Variants in COG5 observed in about 807,000 individuals in gnomAD.
COG5 encodes conserved oligomeric Golgi complex subunit 5.
Under a neutral mutation model 110.4 loss-of-function variants are expected in COG5, and 86 were observed. The ratio of observed to expected loss-of-function variants is 0.78; its 90% confidence interval spans 0.65 to 0.93. The LOEUF (loss-of-function observed/expected upper bound fraction) is 0.93. Ranked by LOEUF, COG5 falls within the 40% of genes least tolerant of loss-of-function variation. COG5 has a pLI of 0.00. For missense variants in COG5, 1,077 were observed against 987.0 expected, an observed-to-expected ratio of 1.09 and a Z score of -1.22; for synonymous variants, 360 against 334.6, an observed-to-expected ratio of 1.08 and a Z score of -0.83.
intron 6 of COG5, among the ~76,000 whole-genome samples, chr7:107,465,293 G>C (rs1417605175): frequency 6.6e-6 from 1 of 152,146 alleles, no homozygotes; most frequent in Non-Finnish European, 1.5e-5. Context: ...AGTTCAATAT[G>C]ATCCTAATTA....
At chr7:107,531,639 G>A (rs1801206257) in intron 5 of COG5, among the ~76,000 whole-genome samples, 1 of 149,446 alleles carries the variant, frequency 6.7e-6, no homozygotes, top group Non-Finnish European at 1.5e-5. Context: ...GTCGGTGAGG[G>A]CGGGGGGGAG....
At chr7:107,346,513 A>G (rs868814742) in intron 10 of COG5, among the ~76,000 whole-genome samples, 27 of 152,268 alleles carry the variant, frequency 1.8e-4, no homozygotes, top group Middle Eastern at 3.4e-3. Flanking sequence ...ACTTTTCTCT[A>G]TGGGTCATAC....
chr7:107,457,678 C>T (rs540741067), intron 6 of COG5, among the ~76,000 whole-genome samples: 155 of 152,266 alleles, frequency 1.0e-3, no homozygotes, highest in African/African-American at 3.6e-3. Context: ...ATCCCCCCCG[C>T]CTCAGCCTCC....
At chr7:107,393,632 A>G (rs1291798574) in intron 7 of COG5, among the ~76,000 whole-genome samples, 1 of 152,138 alleles carries the variant, frequency 6.6e-6, no homozygotes, top group African/African-American at 2.4e-5. Context: ...ACTCCCTCCA[A>G]CAGGTCATCC....
At chr7:107,313,239 A>T (rs549475230) in intron 11 of COG5, among the ~76,000 whole-genome samples, 1 of 152,302 alleles carries the variant, frequency 6.6e-6, no homozygotes, top group South Asian at 2.1e-4. Flanking sequence ...TGTCAAAGTA[A>T]AAGAGGAGAA....
At chr7:107,368,391 A>G (rs1051529751) in intron 8 of COG5, among the ~76,000 whole-genome samples, 5 of 152,148 alleles carry the variant, frequency 3.3e-5, no homozygotes, top group African/African-American at 1.2e-4. Flanking sequence ...CTATAAAAAG[A>G]AAAACACAGG....
At chr7:107,383,151 C>CT (rs1447473351) in intron 7 of COG5, among the ~76,000 whole-genome samples, 1 of 152,200 alleles carries the variant, frequency 6.6e-6, no homozygotes, top group Non-Finnish European at 1.5e-5. Context: ...TACCAGTTAT[C>CT]TGGGTGTGTC....
intron 14 of COG5, among the ~76,000 whole-genome samples, chr7:107,263,119 T>C (rs971347207): frequency 6.6e-6 from 1 of 152,138 alleles, no homozygotes; most frequent in Non-Finnish European, 1.5e-5. Flanking sequence ...ACAGAGTAGG[T>C]TTTGCTCCAT....
intron 11 of COG5, among the ~76,000 whole-genome samples, chr7:107,322,198 T>C (rs981615870): frequency 6.6e-6 from 1 of 152,216 alleles, no homozygotes; most frequent in Non-Finnish European, 1.5e-5. Context: ...GGTTAGGAAG[T>C]GGATTCTCTC....
chr7:107,278,502 T>A (rs146207168), intron 14 of COG5, among the ~76,000 whole-genome samples: 1 of 152,152 alleles, frequency 6.6e-6, no homozygotes, highest in African/African-American at 2.4e-5. Context: ...CTCCCACTTA[T>A]GGGTGAGAAT....
At chr7:107,460,124 C>T (rs560104658) in intron 6 of COG5, among the ~76,000 whole-genome samples, 2 of 152,048 alleles carry the variant, frequency 1.3e-5, no homozygotes, top group African/African-American at 4.8e-5. Context: ...TACACTTGGC[C>T]GAGCACGGTG....
intron 6 of COG5, among the ~76,000 whole-genome samples, chr7:107,456,289 G>C (rs1254187691): frequency 6.6e-6 from 1 of 152,168 alleles, no homozygotes; most frequent in African/African-American, 2.4e-5. Flanking sequence ...GCTAAAAGAA[G>C]TGCCATGACA....
At chr7:107,546,889 T>G (rs1461949020) in intron 5 of COG5, among the ~76,000 whole-genome samples, 2 of 151,942 alleles carry the variant, frequency 1.3e-5, no homozygotes, top group African/African-American at 4.8e-5. Context: ...TAATAAAAAG[T>G]CTCCTAACAA....
intron 7 of COG5, among the ~76,000 whole-genome samples, chr7:107,395,917 G>A (rs980641988): frequency 6.6e-5 from 10 of 152,026 alleles, no homozygotes; most frequent in African/African-American, 1.7e-4. Flanking sequence ...AAATTAGGCC[G>A]ATTTTCAGGT....
intron 11 of COG5, among the ~76,000 whole-genome samples, chr7:107,311,034 G>C (rs899994714): frequency 6.6e-6 from 1 of 152,160 alleles, no homozygotes; most frequent in East Asian, 1.9e-4. Context: ...CATTTGGGTT[G>C]TGTGCAATTT....
chr7:107,553,834 T>C (rs1370934600), intron 3 of COG5, among the ~76,000 whole-genome samples: 1 of 152,166 alleles, frequency 6.6e-6, no homozygotes, highest in Non-Finnish European at 1.5e-5. Context: ...TTGTTGATGT[T>C]TTTATTGTTT....
chr7:107,300,736 AAATT>A (rs1012747329), intron 11 of COG5, among the ~76,000 whole-genome samples: 1 of 152,166 alleles, frequency 6.6e-6, no homozygotes, highest in Non-Finnish European at 1.5e-5. Context: ...AATTATCCCT[AAATT>A]AATCTATATA....
At chr7:107,249,983 G>C (rs933733220) in intron 16 of COG5, among the ~76,000 whole-genome samples, 1 of 152,002 alleles carries the variant, frequency 6.6e-6, no homozygotes, top group African/African-American at 2.4e-5. Context: ...AAGAGACAGA[G>C]GCAGCAAGAG....
intron 7 of COG5, among the ~76,000 whole-genome samples, chr7:107,409,468 A>G (rs1008807631): frequency 4.0e-5 from 6 of 151,184 alleles, no homozygotes; most frequent in Non-Finnish European, 8.8e-5. Flanking sequence ...ACTGGGGACT[A>G]TATGAGAAGT....
Sources: allele counts gnomAD v4.1 joint callset (sites outside exome capture counted in the v4.1 genomes callset), GRCh38; gene constraint gnomAD v4.1.1; transcripts MANE v1.5; gene names NCBI Gene and HGNC (gene_info 2026-07-23, HGNC 2026-07-21).